ABCD2: variants seen among roughly 807,000 people sequenced by gnomAD.
ABCD2 encodes ATP-binding cassette sub-family D member 2.
A neutral mutation model predicts 70.9 loss-of-function variants in ABCD2; 36 were observed. The observed-to-expected ratio is 0.51, with a 90% CI of 0.39 to 0.67. The LOEUF is 0.67. Among genes scored for constraint, ABCD2 ranks in the 30% least tolerant of loss-of-function variants. ABCD2 has a pLI of 0.00. For missense variants in ABCD2, 729 were observed against 890.2 expected (o/e 0.82, Z 2.30); for synonymous variants, 304 against 306.9 (o/e 0.99, Z 0.10).
intron 6 of ABCD2, among the ~76,000 whole-genome samples, chr12:39,599,510 G>A (rs1941866966): frequency 6.6e-6 from 1 of 152,146 alleles, no homozygotes; most frequent in South Asian, 2.1e-4. Context: ...TCTATTTTGT[G>A]TTAAACACAA....
At chr12:39,535,348 C>G in the ABCD2 span, among the ~76,000 whole-genome samples, 1 of 152,098 alleles carries the variant, frequency 6.6e-6, no homozygotes, top group Middle Eastern at 3.2e-3. Context: ...ATCACTAGAC[C>G]TCTCTATAAA....
At chr12:39,612,464 G>A (rs1942058385) in intron 2 of ABCD2, among the ~76,000 whole-genome samples, 1 of 152,082 alleles carries the variant, frequency 6.6e-6, no homozygotes, top group Non-Finnish European at 1.5e-5. Flanking sequence ...AGTCAAAGAA[G>A]CTAGTCATAA....
intron 2 of ABCD2, among the ~76,000 whole-genome samples, chr12:39,609,582 T>C (rs1942017631): frequency 6.6e-6 from 1 of 152,194 alleles, no homozygotes; most frequent in South Asian, 2.1e-4. Context: ...AATTTGATTC[T>C]CTAGCTGGTC....
At chr12:39,538,270 A>T in the ABCD2 span, among the ~76,000 whole-genome samples, 1 of 151,192 alleles carries the variant, frequency 6.6e-6, no homozygotes, top group Non-Finnish European at 1.5e-5. Flanking sequence ...CCAGGGTTCA[A>T]GCGATTCTCC....
chr12:39,579,190 C>T (rs967320892), intron 8 of ABCD2, among the ~76,000 whole-genome samples: 3 of 152,006 alleles, frequency 2.0e-5, no homozygotes, highest in Non-Finnish European at 2.9e-5. Context: ...GGTGAAACCC[C>T]GTCTCTACTA....
intron 6 of ABCD2, among the ~76,000 whole-genome samples, chr12:39,598,684 G>A (rs567620233): frequency 6.6e-6 from 1 of 152,268 alleles, no homozygotes; most frequent in South Asian, 2.1e-4. Context: ...ACAGGCATGA[G>A]CCACCCCACC....
rs540081649 is a variant in ABCD2 at position 39,592,946 on chromosome 12, C to T, written c.1647-6649G>A. On this transcript the variant is annotated intron_variant, in intron 6 of 9. Transcript: ENST00000308666. ...ATTCTTGCTTAGATCCTTTTCCAGA[C>T]CACATCCTCATTTTTAAAATCTGAG... 6.4e-4 allele frequency among the ~76,000 whole-genome samples: 98 copies of T among 152,300 alleles called. 1 individual carries two copies. Among genetic ancestry groups the T allele is most frequent in the African/African-American group, 2.1e-3 (89 of 41,570 alleles).
chr12:39,610,919 T>C (rs1182448286), intron 2 of ABCD2, among the ~76,000 whole-genome samples: 1 of 152,186 alleles, frequency 6.6e-6, no homozygotes, highest in East Asian at 1.9e-4. Context: ...GTGCCAGAGA[T>C]ATAAATCCAT....
downstream of ABCD2, among the ~76,000 whole-genome samples, chr12:39,545,337 T>G (rs11172526): frequency 0.34 from 52,201 of 152,004 alleles, 11,045 homozygotes; most frequent in African/African-American, 0.6. Context: ...TTATCACCCA[T>G]GCTGGAGTGC....
the ABCD2 span, among the ~76,000 whole-genome samples, chr12:39,537,788 C>A: frequency 6.6e-6 from 1 of 152,210 alleles, no homozygotes; most frequent in Non-Finnish European, 1.5e-5. Flanking sequence ...TGTTGTCCAA[C>A]CTATTGGTAG....
At chr12:39,591,124 G>A (rs755420019) in intron 6 of ABCD2, among the ~76,000 whole-genome samples, 6 of 152,092 alleles carry the variant, frequency 3.9e-5, no homozygotes, top group Non-Finnish European at 5.9e-5. Flanking sequence ...CTGTGTTGTC[G>A]TAGCAAAAGA....
chr12:39,616,029 G>A (rs534240125), intron 2 of ABCD2, among the ~76,000 whole-genome samples: 51 of 152,150 alleles, frequency 3.4e-4, no homozygotes, highest in Non-Finnish European at 6.3e-4. Flanking sequence ...TTTTACAAAT[G>A]AGGAAACTAA....
chr12:39,535,606 A>T, the ABCD2 span, among the ~76,000 whole-genome samples: 4 of 152,238 alleles, frequency 2.6e-5, no homozygotes, highest in Non-Finnish European at 4.4e-5. Flanking sequence ...AATTCGAAAT[A>T]TCTTAGATAA....
chr12:39,563,802 G>T (rs1200715518), intron 9 of ABCD2, among the ~76,000 whole-genome samples: 1 of 152,022 alleles, frequency 6.6e-6, no homozygotes, highest in Non-Finnish European at 1.5e-5. Flanking sequence ...ACAGGCCCCT[G>T]TGTGTGATAT....
the ABCD2 span, among the ~76,000 whole-genome samples, chr12:39,531,100 T>C: frequency 2.0e-5 from 3 of 152,194 alleles, no homozygotes; most frequent in Non-Finnish European, 4.4e-5. Context: ...TTCCAGGCAC[T>C]TTTCTATATA....
the ABCD2 span, among the ~76,000 whole-genome samples, chr12:39,540,442 C>T: frequency 2.6e-5 from 4 of 152,114 alleles, no homozygotes; most frequent in African/African-American, 9.7e-5. Flanking sequence ...TTATTCTACC[C>T]CAAAACATGT....
At chr12:39,617,210 T>C (rs1479664127) in intron 1 of ABCD2, 42 bp from the exon 2 acceptor site, 2 of 1,329,384 alleles carry the variant, frequency 1.5e-6, no homozygotes, top group Non-Finnish European at 2.0e-6. Context: ...TTTAAAGATA[T>C]ATACATATTA....
chr12:39,588,746 G>C (rs559647433), intron 6 of ABCD2, among the ~76,000 whole-genome samples: 1 of 151,608 alleles, frequency 6.6e-6, no homozygotes, highest in South Asian at 2.1e-4. Context: ...AACCCAAATT[G>C]AGGTGTTCTC....
chr12:39,541,371 C>G, the ABCD2 span, among the ~76,000 whole-genome samples: 1 of 152,026 alleles, frequency 6.6e-6, no homozygotes, highest in Non-Finnish European at 1.5e-5. Flanking sequence ...TGAGTAAAGT[C>G]GGTGAGGGGG....
Sources: allele counts gnomAD v4.1 joint callset (sites outside exome capture counted in the v4.1 genomes callset), GRCh38; gene constraint gnomAD v4.1.1; transcripts MANE v1.5; gene names NCBI Gene and HGNC (gene_info 2026-07-23, HGNC 2026-07-21).